Variants in WDR37 observed in about 807,000 individuals in gnomAD.
WDR37 encodes WD repeat-containing protein 37.
A neutral mutation model predicts 62.9 loss-of-function variants in WDR37; 19 were observed. The ratio of observed to expected loss-of-function variants is 0.30; its 90% CI spans 0.21 to 0.44. The LOEUF is 0.44. Ranked by LOEUF, WDR37 falls within the 20% of genes least tolerant of loss-of-function variation. The probability of loss-of-function intolerance (pLI) is 1.00; values close to 1 mark genes in which losing one functional copy is unlikely to be tolerated. For missense variants in WDR37, 474 were observed against 657.6 expected (o/e 0.72, Z 3.05); for synonymous variants, 250 against 260.9 (o/e 0.96, Z 0.40).
chr10:1,080,127 G>A (rs1833984905), intron 4 of WDR37, 21 bp downstream of exon 4: 1 of 1,612,634 alleles, frequency 6.2e-7, no homozygotes, highest in Non-Finnish European at 8.5e-7. Context: ...TCCCATGAAA[G>A]TCTTGTCCTG....
intron 10 of WDR37, among the ~76,000 whole-genome samples, chr10:1,104,556 T>A (rs1364757425): frequency 1.3e-5 from 2 of 152,212 alleles, no homozygotes; most frequent in African/African-American, 4.8e-5. Context: ...TTAGGGACCT[T>A]AATTACATCT....
intron 5 of WDR37, 21 bp from the exon 6 acceptor site, chr10:1,084,382 G>T (rs1834129977): frequency 6.3e-7 from 1 of 1,599,540 alleles, no homozygotes; most frequent in Non-Finnish European, 8.6e-7. Context: ...TGTTTCACAA[G>T]ACTCCCCATC....
intron 8 of WDR37, among the ~76,000 whole-genome samples, 186 bp from the exon 9 acceptor site, chr10:1,095,984 T>G (rs1264693197): frequency 6.6e-6 from 1 of 152,254 alleles, no homozygotes; most frequent in Non-Finnish European, 1.5e-5. Context: ...TTTGGACATG[T>G]ACTCTATTTT....
rs530473698 is a variant in WDR37 at position 1,103,354 on chromosome 10, A to G, written c.727-248A>G. ...GAAATAAATGGTAGTTCGGTTGACA[A>G]TGTTGTGGATTCCACTTTTTTTTCT... On this transcript the variant is annotated intron_variant, in intron 9 of 13. Transcript: ENST00000263150. This position sits in a 1 kb window ranked among gnomAD's most constrained non-coding sequence, Gnocchi z 6.3. 6.6e-5 allele frequency among the ~76,000 whole-genome samples: 10 copies of G among 152,248 alleles called. No homozygotes were observed. The highest frequency in any genetic ancestry group is 2.2e-4 in the African/African-American group (9 of 41,530).
At chr10:1,096,086 C>A in intron 8 of WDR37, 84 bp from the exon 9 acceptor site, 1 of 1,348,850 alleles carries the variant, frequency 7.4e-7, no homozygotes, top group Non-Finnish European at 1.1e-6. Context: ...GGTCTGACTG[C>A]TGCTGCTTAG....
rs918220812 is a variant in WDR37, at chr10:1,121,878, G to C, written c.1104-2340G>C. Among the ~76,000 whole-genome samples the C allele has an allele frequency of 1.3e-5, 2 of 152,134 alleles. No homozygotes were observed. Among genetic ancestry groups the C allele is most frequent in the Non-Finnish European group, 2.9e-5 (2 of 68,018 alleles). ...CGCCGCATCATCCTGACTGTGTTCC[G>C]GGGTCTCGGTGTCAGAGCGTGTTGC... On this transcript the variant is annotated intron_variant, in intron 11 of 13. Coordinates refer to ENST00000263150, the MANE Select transcript of WDR37 (RefSeq NM_014023.4). The surrounding 1 kb of genome is among the most constrained non-coding windows in gnomAD (Gnocchi z 4.5).
intron 11 of WDR37, among the ~76,000 whole-genome samples, chr10:1,118,011 C>G (rs1477822577): frequency 8.5e-6 from 1 of 117,990 alleles, no homozygotes; most frequent in Non-Finnish European, 1.8e-5. Flanking sequence ...TACTTGAAGT[C>G]CCTGCACACA....
chr10:1,129,400 A>C lies in WDR37; in HGVS notation c.*56A>C. 1.9e-6 allele frequency: 3 copies of C among 1,603,826 alleles called. No homozygotes were observed. Among genetic ancestry groups the C allele is most frequent in the Non-Finnish European group, 2.6e-6 (3 of 1,172,530 alleles). ...GCCAGCACAGACCTTTGATGGGTGC[A>C]GGCTTTTCTGCGTATTAATCAGCCA... On this transcript the variant is annotated 3_prime_UTR_variant, in exon 14 of 14. Transcript: ENST00000263150.
At chr10:1,127,017 AG>A (rs1172598947) in intron 13 of WDR37, among the ~76,000 whole-genome samples, 4 of 152,212 alleles carry the variant, frequency 2.6e-5, no homozygotes, top group African/African-American at 7.2e-5. Context: ...TTAACAGCTG[AG>A]CATCACTCAT....
intron 1 of WDR37, among the ~76,000 whole-genome samples, chr10:1,064,363 C>T (rs557642807): frequency 2.4e-4 from 37 of 151,840 alleles, no homozygotes; most frequent in Non-Finnish European, 4.3e-4. Context: ...GAGAGAAGGA[C>T]GGGGTGGGGG....
At chr10:1,068,538 G>T (rs1003567184) in intron 1 of WDR37, among the ~76,000 whole-genome samples, 8 of 151,892 alleles carry the variant, frequency 5.3e-5, no homozygotes, top group African/African-American at 1.9e-4. Context: ...TGTATACCTG[G>T]CACAAAATTT....
At chr10:1,068,561 A>G (rs1833626717) in intron 1 of WDR37, among the ~76,000 whole-genome samples, 1 of 152,146 alleles carries the variant, frequency 6.6e-6, no homozygotes, top group African/African-American at 2.4e-5. Context: ...CATGTATGAC[A>G]AATTTTCATA....
chr10:1,058,945 G>C (rs1402767773), intron 1 of WDR37, among the ~76,000 whole-genome samples: 1 of 152,028 alleles, frequency 6.6e-6, no homozygotes, highest in Non-Finnish European at 1.5e-5. Flanking sequence ...CCATTCTTTT[G>C]CATGTGATTA....
intron 5 of WDR37, among the ~76,000 whole-genome samples, chr10:1,081,716 G>A (rs1388037790): frequency 2.0e-5 from 3 of 151,798 alleles, no homozygotes; most frequent in African/African-American, 7.3e-5. Flanking sequence ...AAATTAACTT[G>A]AAGCTTTTTC....
At chr10:1,114,034 G>A (rs1324293765) in intron 11 of WDR37, among the ~76,000 whole-genome samples, 3 of 135,476 alleles carry the variant, frequency 2.2e-5, no homozygotes, top group Non-Finnish European at 4.6e-5. Flanking sequence ...TTGGCTCACT[G>A]CAACCTCCGC....
chr10:1,070,791 AG>A (rs1469187453), intron 1 of WDR37, among the ~76,000 whole-genome samples: 6 of 152,208 alleles, frequency 3.9e-5, no homozygotes, highest in Middle Eastern at 3.2e-3. Context: ...TTTTCAAAAC[AG>A]GCTGACTTGT....
Position 1,129,695 on chromosome 10 carries a change from G to GAGATCTACACAATCTCCAT in WDR37, c.*351_*352insAGATCTACACAATCTCCAT. ...ATGTGAACTTCTGTATTACGTTGCG[G>GAGATCTACACAATCTCCAT]CGTCGGCAGTCCTGCGTTCCCTGGA... On this transcript the variant is annotated 3_prime_UTR_variant, in exon 14 of 14. Transcript: ENST00000263150. The GAGATCTACACAATCTCCAT allele has an allele frequency of 5.7e-6, 1 of 176,510 alleles. No homozygotes were observed. The highest frequency in any genetic ancestry group is 1.2e-4 in the South Asian group (1 of 8,136). The allele number at this position is 176,510 out of a possible 1,614,324, so 10.9% of individuals were successfully genotyped here. A position where few individuals can be genotyped will look rare whatever the true frequency, so the allele number is the denominator to read the frequency against.
intron 8 of WDR37, among the ~76,000 whole-genome samples, chr10:1,095,302 A>G (rs76097198): frequency 0.09 from 11,589 of 129,134 alleles, 1,200 homozygotes; most frequent in African/African-American, 0.26. Context: ...CATAGAGAGG[A>G]GAGAGTTAGA....
rs537808397 is a variant in WDR37 at position 1,124,943 on chromosome 10, C to T, written c.1272C>T (p.Ala424=). The T allele has an allele frequency of 6.2e-7, 1 of 1,614,200 alleles. No homozygotes were observed. Among genetic ancestry groups the T allele is most frequent in the Non-Finnish European group, 8.5e-7 (1 of 1,180,044 alleles). Residue 424 remains alanine, a synonymous_variant, in exon 13 of 14, where the codon GCC becomes GCT. Transcript: ENST00000263150. ...INVCVGQKII[A]LPHDNRQVRL... The stretch of plus-strand genomic sequence containing the variant: ...TATGTGTCGGCCAAAAAATCATAGC[C>T]CTCCCCCATGACAACCGACAAGTGA...
Sources: gnomAD v4.1 joint callset for allele counts (sites outside exome capture counted in the v4.1 genomes callset) on GRCh38, gnomAD v4.1.1 for gene constraint, Gnocchi (gnomAD v3.1) non-coding constraint, MANE v1.5 for transcripts, NCBI Gene and HGNC (gene_info 2026-07-23, HGNC 2026-07-21) for gene names.